PABPC4L: variants seen among roughly 807,000 people sequenced by gnomAD.
The protein encoded by PABPC4L is poly(A) binding protein cytoplasmic 4 like.
For missense variants in PABPC4L, 452 were observed against 451.4 expected (o/e 1.00, Z -0.01); for synonymous variants, 169 against 164.1 (o/e 1.03, Z -0.23).
the PABPC4L span, among the ~76,000 whole-genome samples, chr4:133,997,333 G>C: frequency 6.6e-6 from 1 of 152,012 alleles, no homozygotes; most frequent in Non-Finnish European, 1.5e-5. Flanking sequence ...AAATACAAAG[G>C]GAAAGGTTTT....
the PABPC4L span, among the ~76,000 whole-genome samples, chr4:134,173,936 T>C: frequency 1.3e-5 from 2 of 152,136 alleles, no homozygotes; most frequent in Non-Finnish European, 2.9e-5. Context: ...TTAAATTTGT[T>C]AACTTTTGTG....
At chr4:133,987,169 C>T in the PABPC4L span, among the ~76,000 whole-genome samples, 1 of 152,006 alleles carries the variant, frequency 6.6e-6, no homozygotes, top group Admixed American at 6.6e-5. Flanking sequence ...TTGTTTTTAA[C>T]GAAGACAAAT....
At chr4:134,113,596 C>T in the PABPC4L span, among the ~76,000 whole-genome samples, 1 of 151,870 alleles carries the variant, frequency 6.6e-6, no homozygotes, top group Non-Finnish European at 1.5e-5. Context: ...CCTAAAGTTG[C>T]ATTTCTCACA....
At chr4:134,014,916 C>A in the PABPC4L span, among the ~76,000 whole-genome samples, 1 of 152,070 alleles carries the variant, frequency 6.6e-6, no homozygotes, top group Non-Finnish European at 1.5e-5. Flanking sequence ...GTTATCCCCA[C>A]CTGCCCAGTT....
chr4:133,982,738 G>A, the PABPC4L span, among the ~76,000 whole-genome samples: 8 of 151,916 alleles, frequency 5.3e-5, no homozygotes, highest in Non-Finnish European at 1.2e-4. Flanking sequence ...ATGCTAATTT[G>A]TAATTGTGGC....
At chr4:133,972,063 A>G in the PABPC4L span, among the ~76,000 whole-genome samples, 1 of 152,186 alleles carries the variant, frequency 6.6e-6, no homozygotes, top group South Asian at 2.1e-4. Context: ...AACTTTCTGA[A>G]AAGTAGACTT....
the PABPC4L span, among the ~76,000 whole-genome samples, chr4:133,992,071 G>A: frequency 2.0e-5 from 3 of 152,134 alleles, no homozygotes; most frequent in South Asian, 6.2e-4. Context: ...AAGTGTTTTA[G>A]GGTGGCATGG....
downstream of PABPC4L, among the ~76,000 whole-genome samples, chr4:134,195,702 A>T (rs2125706452): frequency 6.6e-6 from 1 of 151,788 alleles, no homozygotes; most frequent in South Asian, 2.1e-4. Context: ...CAATTGTTTC[A>T]TTCAGGGCAA....
At chr4:133,963,883 C>A in the PABPC4L span, among the ~76,000 whole-genome samples, 3 of 151,934 alleles carry the variant, frequency 2.0e-5, no homozygotes, top group African/African-American at 4.8e-5. Context: ...TGAAAAAGCA[C>A]AAACTGACAT....
chr4:134,039,857 C>T, the PABPC4L span, among the ~76,000 whole-genome samples: 2 of 151,902 alleles, frequency 1.3e-5, no homozygotes, highest in African/African-American at 4.8e-5. Flanking sequence ...TGATAAGCAA[C>T]TTCAGCAAAG....
chr4:134,036,073 G>A, the PABPC4L span, among the ~76,000 whole-genome samples: 1 of 152,024 alleles, frequency 6.6e-6, no homozygotes, highest in African/African-American at 2.4e-5. Flanking sequence ...TTCAAGATGA[G>A]GTTTGGGTGG....
At chr4:133,992,706 G>A in the PABPC4L span, among the ~76,000 whole-genome samples, 2 of 152,144 alleles carry the variant, frequency 1.3e-5, no homozygotes, top group East Asian at 1.9e-4. Flanking sequence ...CAAAATGAGA[G>A]CATAAAAAGG....
chr4:134,112,569 ACTATCTATCTATCTATCTAT>A, the PABPC4L span, among the ~76,000 whole-genome samples: 6 of 147,844 alleles, frequency 4.1e-5, no homozygotes, highest in South Asian at 8.6e-4. Flanking sequence ...GCTCCACGTA[ACTATCTATCTATCTATCTAT>A]CTATCTATCT....
At chr4:134,107,733 C>G in the PABPC4L span, among the ~76,000 whole-genome samples, 1 of 151,530 alleles carries the variant, frequency 6.6e-6, no homozygotes, top group Non-Finnish European at 1.5e-5. Flanking sequence ...ATTTAAATAT[C>G]TCTTTATTAC....
At chr4:133,980,832 A>T in the PABPC4L span, among the ~76,000 whole-genome samples, 1 of 152,208 alleles carries the variant, frequency 6.6e-6, no homozygotes, top group Non-Finnish European at 1.5e-5. Flanking sequence ...TTTAATATGT[A>T]CATAGCCTTT....
the PABPC4L span, among the ~76,000 whole-genome samples, chr4:134,106,523 T>C: frequency 6.6e-6 from 1 of 151,518 alleles, no homozygotes; most frequent in African/African-American, 2.4e-5. Flanking sequence ...AAGATAATGA[T>C]ATAATCATTT....
the PABPC4L span, among the ~76,000 whole-genome samples, chr4:134,042,975 T>C: frequency 1.3e-5 from 2 of 152,140 alleles, no homozygotes; most frequent in Non-Finnish European, 2.9e-5. Flanking sequence ...AGTCCCAAAA[T>C]GTTCACCAGT....
At chr4:134,126,398 C>T in the PABPC4L span, among the ~76,000 whole-genome samples, 6 of 151,974 alleles carry the variant, frequency 3.9e-5, no homozygotes, top group Admixed American at 6.6e-5. Flanking sequence ...TTTGAATATG[C>T]CTTTTGAATA....
At position 134,201,077 on chromosome 4, in the gene PABPC4L, G is replaced by A; in HGVS notation, c.-58C>T. 1.9e-6 allele frequency: 3 copies of A among 1,551,272 alleles called. No individual in the cohort carries two copies. The highest frequency in any genetic ancestry group is 1.7e-6 in the Non-Finnish European group (2 of 1,146,934). Reference sequence around the variant, plus strand: ...TGGAGTTCTTTGAGCAATCCCTGTGGGGGGATACTAGGTCACAGCTTTGGC... The same window carrying A: ...TGGAGTTCTTTGAGCAATCCCTGTGAGGGGATACTAGGTCACAGCTTTGGC... On this transcript the variant is annotated 5_prime_UTR_variant, in exon 2 of 2. Transcript: ENST00000421491.
Sources: allele counts gnomAD v4.1 joint callset (sites outside exome capture counted in the v4.1 genomes callset), GRCh38; gene constraint gnomAD v4.1.1; transcripts MANE v1.5; gene names NCBI Gene and HGNC (gene_info 2026-07-23, HGNC 2026-07-21).